Variants in PALLD observed in about 807,000 individuals in gnomAD.
PALLD encodes palladin, cytoskeletal associated protein, also known as palladin.
A neutral mutation model predicts 123.5 loss-of-function variants in PALLD; 61 were observed. The ratio of observed to expected loss-of-function variants is 0.49; its 90% confidence interval spans 0.40 to 0.61. PALLD has a LOEUF of 0.61. PALLD is among the 20% of genes least tolerant of loss of function. PALLD has a pLI of 0.00. For synonymous variants in PALLD, 465 were observed against 496.4 expected (o/e 0.94, Z 0.84); for missense variants, 1,273 against 1,377.0 (o/e 0.92, Z 1.20).
chr4:168,509,397 TA>T (rs1187838172), intron 1 of PALLD, among the ~76,000 whole-genome samples: 3 of 152,244 alleles, frequency 2.0e-5, no homozygotes, highest in Non-Finnish European at 4.4e-5. Context: ...AAATACATGT[TA>T]TTTGATTTTT....
chr4:168,918,221 A>T (rs2173810), intron 17 of PALLD, among the ~76,000 whole-genome samples: 3 of 150,986 alleles, frequency 2.0e-5, no homozygotes, highest in African/African-American at 4.9e-5. Context: ...AAATGAAATC[A>T]GTAGCAATAT....
intron 10 of PALLD, chr4:168,878,195 T>TTCCCGGTGCCC: frequency 6.9e-7 from 1 of 1,444,572 alleles, no homozygotes; most frequent in Non-Finnish European, 9.1e-7. Flanking sequence ...CACGGCTGCC[T>TTCCCGGTGCCC]TCCCGGTGCC....
chr4:168,878,444 G>A, intron 10 of PALLD: 3 of 1,372,472 alleles, frequency 2.2e-6, no homozygotes, highest in Non-Finnish European at 2.9e-6. Flanking sequence ...GCCTCGGGTC[G>A]CCCTGGGACT....
intron 2 of PALLD, among the ~76,000 whole-genome samples, chr4:168,547,340 G>C (rs1766234860): frequency 6.6e-6 from 1 of 151,912 alleles, no homozygotes; most frequent in African/African-American, 2.4e-5. Context: ...GAGTGTGTGG[G>C]AGTGTGTGTG....
intron 10 of PALLD, among the ~76,000 whole-genome samples, chr4:168,730,358 A>T (rs376153459): frequency 1.3e-5 from 2 of 152,116 alleles, no homozygotes; most frequent in East Asian, 1.9e-4. Context: ...CATGGATGCA[A>T]TCGTGTCCTT....
chr4:168,833,560 G>T (rs975159064), intron 10 of PALLD, among the ~76,000 whole-genome samples: 2 of 152,092 alleles, frequency 1.3e-5, no homozygotes, highest in Non-Finnish European at 2.9e-5. Context: ...CCCTCCGCCA[G>T]GTTAAGGAAT....
chr4:168,722,581 C>T (rs777066534), intron 10 of PALLD, among the ~76,000 whole-genome samples: 6 of 151,994 alleles, frequency 3.9e-5, no homozygotes, highest in South Asian at 2.1e-4. Context: ...TTACAAAGCA[C>T]GAAAAGGGTG....
chr4:168,794,930 A>AT (rs1408746410), intron 10 of PALLD, among the ~76,000 whole-genome samples: 1 of 152,146 alleles, frequency 6.6e-6, no homozygotes, highest in Non-Finnish European at 1.5e-5. Context: ...ATAGAAATGT[A>AT]TTTCTGCTAG....
intron 10 of PALLD, among the ~76,000 whole-genome samples, chr4:168,731,960 CAG>C (rs1380082703): frequency 6.6e-6 from 1 of 152,134 alleles, no homozygotes; most frequent in Non-Finnish European, 1.5e-5. Context: ...GACCACTAGA[CAG>C]AGGATTTTAT....
chr4:168,722,871 C>G (rs80068404), intron 10 of PALLD, among the ~76,000 whole-genome samples: 2,637 of 152,076 alleles, frequency 0.017, 95 homozygotes, highest in African/African-American at 0.061. Context: ...GAAAAGGAAA[C>G]AGATTCAACA....
chr4:168,808,126 A>G (rs558196221), intron 10 of PALLD, among the ~76,000 whole-genome samples: 1 of 152,008 alleles, frequency 6.6e-6, no homozygotes, highest in Non-Finnish European at 1.5e-5. Context: ...CCATGAAAAT[A>G]TAAGAGGAAA....
intron 8 of PALLD, among the ~76,000 whole-genome samples, chr4:168,703,994 T>C (rs1158696330): frequency 6.6e-6 from 1 of 152,164 alleles, no homozygotes; most frequent in Non-Finnish European, 1.5e-5. Flanking sequence ...CCATGCAGGC[T>C]ACAGTAACCA....
chr4:168,681,537 AC>A, intron 4 of PALLD, 139 bp downstream of exon 4: 13 of 497,274 alleles, frequency 2.6e-5, no homozygotes, highest in East Asian at 3.7e-5. Flanking sequence ...AGGTTGGAAC[AC>A]AATTTTTTTT....
At chr4:168,555,235 A>G (rs59876400) in intron 2 of PALLD, among the ~76,000 whole-genome samples, 43,504 of 152,132 alleles carry the variant, frequency 0.29, 6,580 homozygotes, top group South Asian at 0.44. Flanking sequence ...CCAGCAATGA[A>G]AGCGAAGCAG....
Position 168,546,340 on chromosome 4 carries a change from G to A in PALLD, c.908+33928G>A, listed in dbSNP as rs1271027651. ...CAAAAGAAAGTTTAAGAACAGAGATGCCTGCTTTTCAAATTAAAATGTTTA... is the reference window on the plus strand; with the variant it reads ...CAAAAGAAAGTTTAAGAACAGAGATACCTGCTTTTCAAATTAAAATGTTTA... On this transcript the variant is annotated intron_variant, in intron 2 of 21. Transcript: ENST00000505667. Among the ~76,000 whole-genome samples, 3 of 129,024 alleles carry A rather than the reference G, an allele frequency of 2.3e-5. No individual in the cohort carries two copies. The Admixed American group carries it at 3.1e-4, about 13-fold the overall frequency. The allele number at this position is 129,024 out of a possible 152,430, so 84.6% of individuals were successfully genotyped here.
chr4:168,620,875 T>A (rs1293168016), intron 2 of PALLD, among the ~76,000 whole-genome samples: 1 of 152,224 alleles, frequency 6.6e-6, no homozygotes, highest in African/African-American at 2.4e-5. Context: ...TTCCCCCACT[T>A]CTTTTAAAAT....
At chr4:168,601,300 T>C (rs1206294410) in intron 2 of PALLD, among the ~76,000 whole-genome samples, 1 of 152,166 alleles carries the variant, frequency 6.6e-6, no homozygotes, top group South Asian at 2.1e-4. Context: ...CCCAGGTGAA[T>C]AAGACTCATT....
intron 10 of PALLD, among the ~76,000 whole-genome samples, chr4:168,749,370 A>C (rs1730728045): frequency 6.6e-6 from 1 of 151,782 alleles, no homozygotes; most frequent in Non-Finnish European, 1.5e-5. Flanking sequence ...ACACTACATA[A>C]TGTAACTAAT....
At chr4:168,668,416 T>C in intron 3 of PALLD, 48 bp downstream of exon 3, 2 of 1,459,156 alleles carry the variant, frequency 1.4e-6, no homozygotes, top group Non-Finnish European at 1.9e-6. Context: ...GTCAATGGTC[T>C]AATGACTCCA....
Sources: allele counts gnomAD v4.1 joint callset (sites outside exome capture counted in the v4.1 genomes callset), GRCh38; gene constraint gnomAD v4.1.1; transcripts MANE v1.5; gene names NCBI Gene and HGNC (gene_info 2026-07-23, HGNC 2026-07-21).